The following RPRD2 variants were observed in gnomAD, a reference collection of about 807,000 sequenced individuals.
RPRD2 encodes the protein regulation of nuclear pre-mRNA domain containing 2.
RPRD2 carries 12 observed loss-of-function variants against 104.4 expected under a neutral mutation model. The ratio of observed to expected loss-of-function variants is 0.11; its 90% CI spans 0.07 to 0.19. RPRD2 has a LOEUF of 0.19. RPRD2 is among the 10% of genes least tolerant of loss of function. The pLI is 1.00. For missense variants in RPRD2, 1,543 were observed against 1,790.1 expected (o/e 0.86, Z 2.49); for synonymous variants, 714 against 684.9 (o/e 1.04, Z -0.66).
At chr1:150,385,551 T>C (rs587732228) in intron 1 of RPRD2, among the ~76,000 whole-genome samples, 27 of 152,328 alleles carry the variant, frequency 1.8e-4, no homozygotes, top group Non-Finnish European at 3.2e-4. Context: ...AAATATAAAT[T>C]TACAAAACTG....
intron 1 of RPRD2, among the ~76,000 whole-genome samples, chr1:150,392,128 G>A (rs1410801611): frequency 2.0e-5 from 3 of 151,964 alleles, no homozygotes; most frequent in African/African-American, 7.3e-5. Flanking sequence ...GGAGGTTGCA[G>A]TGAGCCAGGA....
chr1:150,403,377 C>T (rs782274278), intron 1 of RPRD2, among the ~76,000 whole-genome samples: 5 of 152,094 alleles, frequency 3.3e-5, no homozygotes, highest in Non-Finnish European at 7.4e-5. Flanking sequence ...CTCAGAACTT[C>T]GTCTCACTTT....
intron 1 of RPRD2, among the ~76,000 whole-genome samples, chr1:150,390,035 A>G (rs1307597780): frequency 6.6e-6 from 1 of 152,308 alleles, no homozygotes; most frequent in African/African-American, 2.4e-5. Context: ...ATTTTTAGAA[A>G]AAGCTTTCTC....
intron 1 of RPRD2, among the ~76,000 whole-genome samples, chr1:150,376,637 A>G (rs749805621): frequency 1.5e-4 from 22 of 151,556 alleles, no homozygotes; most frequent in Non-Finnish European, 2.8e-4. Context: ...AGTAGCTGGG[A>G]CTACAGGCGC....
chr1:150,383,185 A>G (rs1553881122), intron 1 of RPRD2, among the ~76,000 whole-genome samples: 1 of 150,198 alleles, frequency 6.7e-6, no homozygotes. Flanking sequence ...TGTAGAGATG[A>G]TGTCTTGCTA....
At chr1:150,464,390 T>C (rs1553899439) in intron 9 of RPRD2, 137 bp from the exon 10 acceptor site, 1 of 589,402 alleles carries the variant, frequency 1.7e-6, no homozygotes, top group East Asian at 3.0e-5. Flanking sequence ...GTACATGTCA[T>C]GTTATGATGG....
rs187726581 is a variant in RPRD2, at chr1:150,412,292, A to G, written c.206-5304A>G. 1.1e-3 allele frequency among the ~76,000 whole-genome samples: 161 copies of G among 152,292 alleles called. 2 individuals are homozygous for G. Among genetic ancestry groups the G allele is most frequent in the African/African-American group, 3.7e-3 (155 of 41,576 alleles). On this transcript the variant is annotated intron_variant, in intron 1 of 10. Transcript: ENST00000369068. ...AGCATTTTCCCAGATTACCTCAACC[A>G]CTTTTTTTCATTCCTCCAGAATTTC...
At chr1:150,385,877 C>CT (rs1163236066) in intron 1 of RPRD2, among the ~76,000 whole-genome samples, 2 of 152,080 alleles carry the variant, frequency 1.3e-5, no homozygotes, top group Non-Finnish European at 2.9e-5. Flanking sequence ...TTATAGAGGG[C>CT]TTTTTTCCCC....
Position 150,471,950 on chromosome 1 carries a change from T to C in RPRD2, c.3002T>C (p.Ile1001Thr). The change falls in exon 11 of 11, where the codon ATT (isoleucine) becomes ACT (threonine). Residue 1001 changes from isoleucine to threonine, a missense_variant. Ile to Thr is a moderately conservative substitution (Grantham distance 89). Coordinates refer to ENST00000369068, the MANE Select transcript of RPRD2 (RefSeq NM_015203.5). The surrounding 1 kb of genome is among the most constrained non-coding windows in gnomAD (Gnocchi z 5.3). ...GTGGAGAAAGTCCTGGCCTCCACCA[T>C]TTCCACCACGTCGACGATTGAATTT... is the stretch of plus-strand genomic sequence containing the variant. ...SGVEKVLAST[I>T]STTSTIEFKN... is the part of the protein sequence containing the mutation. 2.5e-6 allele frequency: 4 copies of C among 1,613,932 alleles called. No homozygotes were observed. Among genetic ancestry groups the C allele is most frequent in the Non-Finnish European group, 3.4e-6 (4 of 1,179,870 alleles).
At chr1:150,445,960 C>G (rs1057191294) in intron 6 of RPRD2, among the ~76,000 whole-genome samples, 1 of 151,124 alleles carries the variant, frequency 6.6e-6, no homozygotes, top group African/African-American at 2.4e-5. Flanking sequence ...CCCAGCCACT[C>G]GGGAGGCTGA....
intron 1 of RPRD2, among the ~76,000 whole-genome samples, chr1:150,391,672 C>T (rs1373891180): frequency 6.6e-6 from 1 of 152,188 alleles, no homozygotes; most frequent in East Asian, 1.9e-4. Flanking sequence ...CTCTGGGAGG[C>T]TGAGGCGGGC....
intron 1 of RPRD2, among the ~76,000 whole-genome samples, chr1:150,374,243 G>A (rs888561167): frequency 5.3e-5 from 8 of 152,130 alleles, no homozygotes; most frequent in African/African-American, 1.7e-4. Context: ...ACTGGTTTTG[G>A]GAAGCTTCTA....
At chr1:150,407,827 G>A (rs1288105139) in intron 1 of RPRD2, among the ~76,000 whole-genome samples, 1 of 152,162 alleles carries the variant, frequency 6.6e-6, no homozygotes, top group Non-Finnish European at 1.5e-5. Context: ...TGTCCTTACA[G>A]TTAAATATTT....
At chr1:150,443,734 G>A (rs371681095) in intron 5 of RPRD2, among the ~76,000 whole-genome samples, 114 of 152,210 alleles carry the variant, frequency 7.5e-4, no homozygotes, top group African/African-American at 2.5e-3. Context: ...GGCTGGGCGC[G>A]GTGGCTCACG....
rs587744648 is a variant in RPRD2, at chr1:150,371,866, C to T, written c.205+6947C>T. Among the ~76,000 whole-genome samples, 6 of 152,210 alleles carry T rather than the reference C, an allele frequency of 3.9e-5. No individual in the cohort carries two copies. In the East Asian group the frequency reaches 1.2e-3, roughly 29 times the overall value. On this transcript the variant is annotated intron_variant, in intron 1 of 10. Transcript: ENST00000369068. ...CTTGCTTATTTATTCAAGATTTAGACTATATAGATTAACTAGACTATCAAG... is the reference window on the plus strand; with the variant it reads ...CTTGCTTATTTATTCAAGATTTAGATTATATAGATTAACTAGACTATCAAG...
At chr1:150,458,772 T>C (rs1667720746) in intron 8 of RPRD2, among the ~76,000 whole-genome samples, 1 of 152,042 alleles carries the variant, frequency 6.6e-6, no homozygotes, top group Admixed American at 6.6e-5. Flanking sequence ...CCCGAGTAGC[T>C]AGGATTGATT....
In RPRD2 at chr1:150,472,099, G is replaced by T. The variant is rs747729183; in HGVS notation, c.3151G>T (p.Ala1051Ser). The change falls in exon 11 of 11, where the codon GCC (alanine) becomes TCC (serine). Residue 1051 changes from alanine to serine, a missense_variant. Transcript: ENST00000369068. ...LSNLTQPSLT[A>S]TDQQQQEEHY... ...AAACCTCACCCAACCCAGCTTGACC[G>T]CCACTGATCAGCAGCAACAAGAAGA... The T allele has an allele frequency of 6.2e-7, 1 of 1,613,690 alleles. No individual in the cohort carries two copies. The highest frequency in any genetic ancestry group is 1.3e-5 in the African/African-American group (1 of 74,910).
intron 2 of RPRD2, among the ~76,000 whole-genome samples, chr1:150,431,124 A>G (rs1160211294): frequency 2.0e-5 from 3 of 152,178 alleles, no homozygotes; most frequent in African/African-American, 4.8e-5. Context: ...AATTCAAAAC[A>G]AACAAACAAC....
At chr1:150,417,537 G>C in intron 1 of RPRD2, 59 bp from the exon 2 acceptor site, 1 of 1,375,972 alleles carries the variant, frequency 7.3e-7, no homozygotes, top group Non-Finnish European at 9.7e-7. Context: ...TTTGGAATAA[G>C]TTGAACTAAG....
Sources: allele counts gnomAD v4.1 joint callset (sites outside exome capture counted in the v4.1 genomes callset), GRCh38; gene constraint gnomAD v4.1.1; non-coding constraint Gnocchi (gnomAD v3.1); transcripts MANE v1.5; gene names NCBI Gene and HGNC (gene_info 2026-07-23, HGNC 2026-07-21).